IFT140: variants seen among roughly 807,000 people sequenced by gnomAD.
The protein encoded by IFT140 is intraflagellar transport 140.
A neutral mutation model predicts 164.6 loss-of-function variants in IFT140; 133 were observed. The observed-to-expected ratio is 0.81, with a 90% CI of 0.70 to 0.93. The LOEUF is 0.93. Among genes scored for constraint, IFT140 ranks in the 40% least tolerant of loss-of-function variants. The pLI, the probability that IFT140 is intolerant of heterozygous loss-of-function variation, is 0.00. For synonymous variants in IFT140, 860 were observed against 817.3 expected (o/e 1.05, Z -0.89); for missense variants, 2,045 against 1,972.3 (o/e 1.04, Z -0.70).
chr16:1,587,235 T>G lies in IFT140; in HGVS notation c.972A>C (p.Gly324=), dbSNP rs561894954. The change falls in exon 9 of 31, where the codon GGA becomes GGC. Residue 324 remains glycine (G), a synonymous_variant. Coordinates refer to ENST00000426508, the MANE Select transcript of IFT140 (RefSeq NM_014714.4). ...SPDEKFGFEK[G]ENMNCVCYCK... is the part of the protein sequence containing the mutation. ...AGTAACACACACAGTTCATATTCTC[T>G]CCTTTCTCAAAGCCAAACTTCTCAT... 6.2e-7 allele frequency: 1 copy of G among 1,612,654 alleles called. No homozygotes were observed. Among genetic ancestry groups the G allele is most frequent in the African/African-American group, 1.3e-5 (1 of 75,032 alleles).
In IFT140 at chr16:1,587,991, C is replaced by T. The variant is rs1305252408; in HGVS notation, c.844G>A (p.Asp282Asn). 11 of 1,613,808 alleles carry T rather than the reference C, an allele frequency of 6.8e-6. No homozygotes were observed. Among genetic ancestry groups the T allele is most frequent in the South Asian group, 1.1e-5 (1 of 91,012 alleles). Residue 282 changes from aspartate to asparagine, a missense_variant, in exon 8 of 31, where the codon GAC becomes AAC. Physicochemically the swap from Asp to Asn is conservative, Grantham distance 23. Transcript: ENST00000426508. Reference sequence around the variant, plus strand: ...AGGCTGCCTTCAATCAAAGCGATGTCTGCCCGGCGGCCGGTTTTCCCGCTC... The same window carrying T: ...AGGCTGCCTTCAATCAAAGCGATGTTTGCCCGGCGGCCGGTTTTCCCGCTC... ...KLSGKTGRRA[D>N]IALIEGSLLV...
At chr16:1,602,630 G>A (rs1024550442) in intron 3 of IFT140, 39 bp from the exon 4 acceptor site, 1 of 1,576,864 alleles carries the variant, frequency 6.3e-7, no homozygotes, top group Non-Finnish European at 8.6e-7. Flanking sequence ...AGTTCAGAGA[G>A]GGACAGCTAC....
intron 14 of IFT140, among the ~76,000 whole-genome samples, chr16:1,569,145 C>T (rs1036062726): frequency 6.6e-6 from 1 of 151,934 alleles, no homozygotes; most frequent in Non-Finnish European, 1.5e-5. Context: ...GCTGGGCCTA[C>T]AGGCGCCCGC....
chr16:1,512,091 G>A (rs1042618890), intron 30 of IFT140, among the ~76,000 whole-genome samples: 3 of 148,930 alleles, frequency 2.0e-5, no homozygotes, highest in African/African-American at 5.0e-5. Context: ...CCAGAAGGCA[G>A]GCAGAAGGTG....
chr16:1,511,456 C>G (rs139234724), intron 30 of IFT140, among the ~76,000 whole-genome samples: 3 of 152,230 alleles, frequency 2.0e-5, no homozygotes, highest in Non-Finnish European at 2.9e-5. Context: ...GGCCTGCTCA[C>G]CGTGCGTGTG....
chr16:1,534,492 TG>T, intron 19 of IFT140: 1 of 1,609,680 alleles, frequency 6.2e-7, no homozygotes, highest in Non-Finnish European at 8.5e-7. Flanking sequence ...CGCACATGAC[TG>T]TGAGGCGCTG....
chr16:1,553,004 A>G lies in IFT140; in HGVS notation c.2399+4931T>C. The G allele has an allele frequency of 6.1e-6, 6 of 985,388 alleles. No homozygotes were observed. The highest frequency in any genetic ancestry group is 7.2e-6 in the Non-Finnish European group (6 of 829,870). The allele number at this position is 985,388 out of a possible 1,614,324, so 61.0% of individuals were successfully genotyped here. On this transcript the variant is annotated intron_variant, in intron 19 of 30. Coordinates refer to ENST00000426508, the MANE Select transcript of IFT140 (RefSeq NM_014714.4). This position sits in a 1 kb window ranked among gnomAD's most constrained non-coding sequence, Gnocchi z 4.4. ...AGTATCCAGGAGCTACCCATGTATA[A>G]GAAGCTCCATGAAGTATTATAAAGA...
chr16:1,595,647 A>C (rs1426306892), intron 4 of IFT140, among the ~76,000 whole-genome samples: 2 of 151,932 alleles, frequency 1.3e-5, no homozygotes, highest in African/African-American at 2.4e-5. Flanking sequence ...CCTCTAAGAA[A>C]GGTTTTGCAA....
intron 10 of IFT140, among the ~76,000 whole-genome samples, chr16:1,584,792 C>T (rs943033011): frequency 6.6e-6 from 1 of 152,096 alleles, no homozygotes; most frequent in African/African-American, 2.4e-5. Context: ...ATTAAATTAT[C>T]CAGCTTTCTT....
chr16:1,592,112 A>T, intron 6 of IFT140, 64 bp downstream of exon 6: 1 of 1,567,896 alleles, frequency 6.4e-7, no homozygotes, highest in Non-Finnish European at 8.7e-7. Flanking sequence ...CTGTGAGTTT[A>T]AAATCCCTAC....
intron 13 of IFT140, chr16:1,577,277 G>A (rs1383483250): frequency 1.3e-5 from 2 of 152,012 alleles, no homozygotes; most frequent in Admixed American, 1.3e-4. Context: ...ATAGACTTAG[G>A]GTATCGATAA....
At chr16:1,518,898 G>A (rs1007294959) in intron 29 of IFT140, among the ~76,000 whole-genome samples, 1 of 152,118 alleles carries the variant, frequency 6.6e-6, no homozygotes, top group Non-Finnish European at 1.5e-5. Flanking sequence ...CTGGAGCCGT[G>A]TGGAGCTCAG....
chr16:1,511,245 G>A (rs551514795), intron 30 of IFT140, 95 bp from the exon 31 acceptor site: 23 of 1,192,926 alleles, frequency 1.9e-5, no homozygotes, highest in Admixed American at 4.0e-5. Flanking sequence ...CCCTGGAGGC[G>A]GGTGGGGGTG....
chr16:1,588,064 T>C (rs2141862224), intron 7 of IFT140, 40 bp from the exon 8 acceptor site: 2 of 1,566,312 alleles, frequency 1.3e-6, no homozygotes, highest in Non-Finnish European at 1.7e-6. Context: ...CCGTGCTTGC[T>C]GAGACGGCCT....
At chr16:1,560,570 C>T (rs896709653) in intron 18 of IFT140, among the ~76,000 whole-genome samples, 2 of 148,996 alleles carry the variant, frequency 1.3e-5, no homozygotes, top group Admixed American at 1.3e-4. Context: ...GGAGCCGGTG[C>T]GCCCGCGGTC....
At chr16:1,534,540 C>CGAGGCACCGTCA (rs762049895) in intron 19 of IFT140, 404 of 1,604,312 alleles carry the variant, frequency 2.5e-4, no homozygotes, top group Admixed American at 3.2e-4. Context: ...CCAGGAGTCC[C>CGAGGCACCGTCA]GAGGCACCGT....
chr16:1,572,036 G>A (rs550592331), intron 13 of IFT140, among the ~76,000 whole-genome samples: 15 of 152,178 alleles, frequency 9.9e-5, no homozygotes, highest in African/African-American at 2.9e-4. Context: ...CGGTGGGGGA[G>A]AGGAAGGATG....
chr16:1,572,522 T>C (rs2034075716), intron 13 of IFT140, among the ~76,000 whole-genome samples: 1 of 152,072 alleles, frequency 6.6e-6, no homozygotes. Context: ...GGTGGGTGCC[T>C]GTAGTCCCAG....
Position 1,608,378 on chromosome 16 carries a change from T to C in IFT140, c.-31-1081A>G, listed in dbSNP as rs35921482. Among the ~76,000 whole-genome samples the C allele has an allele frequency of 2.0e-5, 3 of 152,096 alleles. No homozygotes were observed. In the East Asian group the frequency reaches 5.8e-4, roughly 29 times the overall value. On this transcript the variant is annotated intron_variant, in intron 2 of 30. Coordinates refer to ENST00000426508, the MANE Select transcript of IFT140 (RefSeq NM_014714.4). ...TTATACAGGCTCATGCCTGTAATCC[T>C]AGCAATTTGGGAGGCCGAGGTGGGC...
Sources: gnomAD v4.1 joint callset for allele counts (sites outside exome capture counted in the v4.1 genomes callset) on GRCh38, gnomAD v4.1.1 for gene constraint, Gnocchi (gnomAD v3.1) non-coding constraint, MANE v1.5 for transcripts, NCBI Gene and HGNC (gene_info 2026-07-23, HGNC 2026-07-21) for gene names.